Variants in TAS2R1 observed in about 807,000 individuals in gnomAD.
TAS2R1 encodes taste receptor type 2 member 1.
For missense variants in TAS2R1, 370 were observed against 353.4 expected (o/e 1.05, Z -0.38); for synonymous variants, 141 against 134.2 (o/e 1.05, Z -0.35).
chr5:9,795,531 G>T, the TAS2R1 span, among the ~76,000 whole-genome samples: 14 of 152,248 alleles, frequency 9.2e-5, no homozygotes, highest in East Asian at 3.9e-4. Context: ...TAGGAGTCAG[G>T]ATGCCATTGG....
At chr5:9,895,747 A>ATT in the TAS2R1 span, among the ~76,000 whole-genome samples, 1 of 152,198 alleles carries the variant, frequency 6.6e-6, no homozygotes, top group Admixed American at 6.5e-5. Context: ...TCTCAAAAAT[A>ATT]TTTTATCACA....
chr5:9,754,822 G>A, the TAS2R1 span, among the ~76,000 whole-genome samples: 1 of 152,136 alleles, frequency 6.6e-6, no homozygotes, highest in Non-Finnish European at 1.5e-5. Context: ...TACTGCCCAA[G>A]GTAATTTATA....
chr5:9,698,155 G>C (rs1026270160), intron 1 of TAS2R1, among the ~76,000 whole-genome samples: 2 of 151,982 alleles, frequency 1.3e-5, no homozygotes, highest in African/African-American at 4.8e-5. Context: ...TGAAAAATAA[G>C]GAACAAAAGG....
chr5:9,748,767 C>A, the TAS2R1 span, among the ~76,000 whole-genome samples: 1 of 152,120 alleles, frequency 6.6e-6, no homozygotes, highest in African/African-American at 2.4e-5. Context: ...GGCCTCACTT[C>A]CAACACTGGG....
intron 2 of TAS2R1, among the ~76,000 whole-genome samples, chr5:9,646,605 C>T (rs1422400906): frequency 6.6e-6 from 1 of 152,130 alleles, no homozygotes; most frequent in Non-Finnish European, 1.5e-5. Flanking sequence ...TACAAATTAC[C>T]TCGCAAGGAT....
the TAS2R1 span, among the ~76,000 whole-genome samples, chr5:9,864,685 G>A: frequency 6.7e-6 from 1 of 149,246 alleles, no homozygotes; most frequent in Non-Finnish European, 1.5e-5. Flanking sequence ...TACTTCATAT[G>A]ATGATAGAGT....
chr5:9,881,933 A>C, the TAS2R1 span, among the ~76,000 whole-genome samples: 1 of 152,244 alleles, frequency 6.6e-6, no homozygotes, highest in Non-Finnish European at 1.5e-5. Flanking sequence ...AATACCATTC[A>C]GGACATAGGC....
the TAS2R1 span, among the ~76,000 whole-genome samples, chr5:9,824,193 C>T: frequency 6.6e-6 from 1 of 152,190 alleles, no homozygotes; most frequent in Non-Finnish European, 1.5e-5. Context: ...TCAAGCTCAC[C>T]TGGAGGCCAC....
the TAS2R1 span, among the ~76,000 whole-genome samples, chr5:9,741,027 A>T: frequency 6.6e-6 from 1 of 152,238 alleles, no homozygotes; most frequent in Admixed American, 6.5e-5. Context: ...GCCCCAGAGC[A>T]GCCGCTCATT....
intron 1 of TAS2R1, among the ~76,000 whole-genome samples, chr5:9,682,876 A>G (rs1741021685): frequency 1.3e-5 from 2 of 152,198 alleles, no homozygotes; most frequent in South Asian, 4.1e-4. Context: ...CAGTGGCCTC[A>G]TTGTTTTCCA....
chr5:9,663,149 GATA>G (rs1740570452), intron 1 of TAS2R1, among the ~76,000 whole-genome samples: 1 of 151,730 alleles, frequency 6.6e-6, no homozygotes. Context: ...AAGTTATCAG[GATA>G]ATAATTGGAA....
At chr5:9,762,595 T>C in the TAS2R1 span, among the ~76,000 whole-genome samples, 1 of 152,238 alleles carries the variant, frequency 6.6e-6, no homozygotes, top group African/African-American at 2.4e-5. Context: ...TTTTCCAAAA[T>C]GGGTTTCTGT....
upstream of TAS2R1, chr5:9,712,362 T>C (rs561354970): frequency 2.6e-5 from 4 of 152,208 alleles, no homozygotes; most frequent in Non-Finnish European, 5.9e-5. Flanking sequence ...TGGTGCCCAG[T>C]AGTTTGGTCA....
chr5:9,756,982 A>G, the TAS2R1 span, among the ~76,000 whole-genome samples: 1 of 152,236 alleles, frequency 6.6e-6, no homozygotes, highest in Non-Finnish European at 1.5e-5. Flanking sequence ...TAAAGTCAAA[A>G]TAAAGCACAC....
the TAS2R1 span, among the ~76,000 whole-genome samples, chr5:9,860,735 G>A: frequency 1.3e-5 from 2 of 152,196 alleles, no homozygotes; most frequent in Non-Finnish European, 2.9e-5. Context: ...CCTATGGGCA[G>A]TCCTTAAGGC....
the TAS2R1 span, among the ~76,000 whole-genome samples, chr5:9,746,753 C>T: frequency 2.3e-4 from 35 of 152,174 alleles, no homozygotes; most frequent in African/African-American, 6.3e-4. Flanking sequence ...ACATCACATA[C>T]GAAGGCCCAT....
At chr5:9,766,095 G>A in the TAS2R1 span, among the ~76,000 whole-genome samples, 1 of 152,186 alleles carries the variant, frequency 6.6e-6, no homozygotes, top group Non-Finnish European at 1.5e-5. Flanking sequence ...ATTGTATGCA[G>A]GAATACAGCA....
the TAS2R1 span, among the ~76,000 whole-genome samples, chr5:9,830,151 G>A: frequency 1.3e-5 from 2 of 148,798 alleles, no homozygotes; most frequent in South Asian, 2.1e-4. Flanking sequence ...AGATTTACTG[G>A]ATAAAAACAG....
At chr5:9,703,553 C>G (rs918566844) in intron 1 of TAS2R1, among the ~76,000 whole-genome samples, 1 of 152,100 alleles carries the variant, frequency 6.6e-6, no homozygotes, top group African/African-American at 2.4e-5. Context: ...AACATATACA[C>G]AAAGCACCCC....
Sources: allele counts gnomAD v4.1 joint callset (sites outside exome capture counted in the v4.1 genomes callset), GRCh38; gene constraint gnomAD v4.1.1; transcripts MANE v1.5; gene names NCBI Gene and HGNC (gene_info 2026-07-23, HGNC 2026-07-21).